CYLC2: variants seen among roughly 807,000 people sequenced by gnomAD.
CYLC2 encodes cylicin 2, also known as cylicin-2.
In CYLC2, 30 loss-of-function variants were observed where a neutral mutation model predicts 26.1. The observed-to-expected ratio is 1.15, with a 90% confidence interval of 0.86 to 1.56. CYLC2 has a LOEUF of 1.56. Among genes scored for constraint, CYLC2 ranks in the 40% most tolerant of loss-of-function variants. The pLI is 0.00. For missense variants in CYLC2, 498 were observed against 394.4 expected, an observed-to-expected ratio of 1.26 and a Z score of -2.23; for synonymous variants, 158 against 132.8, an observed-to-expected ratio of 1.19 and a Z score of -1.31.
intron 6 of CYLC2, among the ~76,000 whole-genome samples, chr9:103,013,074 T>A (rs1829425376): frequency 6.9e-6 from 1 of 144,224 alleles, no homozygotes; most frequent in Non-Finnish European, 1.5e-5. Context: ...TGTATATGTA[T>A]AAATATGTAT....
chr9:103,005,205 G>T lies in CYLC2; in HGVS notation c.574G>T (p.Asp192Tyr). The change falls in exon 5 of 8, where the codon GAT (aspartate) becomes TAT (tyrosine). Residue 192 changes from aspartate (D) to tyrosine (Y), a missense_variant. By Grantham distance (160) the Asp-to-Tyr change is radical. Coordinates refer to ENST00000374798, the MANE Select transcript of CYLC2 (RefSeq NM_001340.5). The stretch of plus-strand genomic sequence containing the variant: ...AGGTGCAAAGAAAGATAACAAAAAA[G>T]ATAAAAAGGATTCAAACAAAGGCAA... ...KGGAKKDNKK[D>Y]KKDSNKGKDS... 1 of 1,608,796 alleles carries T rather than the reference G, an allele frequency of 6.2e-7. No individual in the cohort carries two copies. Among genetic ancestry groups the T allele is most frequent in the South Asian group, 1.1e-5 (1 of 90,442 alleles).
chr9:103,016,139 CAT>C (rs1450430810), intron 6 of CYLC2, among the ~76,000 whole-genome samples: 2 of 151,582 alleles, frequency 1.3e-5, no homozygotes, highest in African/African-American at 4.8e-5. Flanking sequence ...TAAGTATAGA[CAT>C]AGAATTTTTC....
Position 103,003,126 on chromosome 9 carries a change from G to GT in CYLC2, c.59-15dup. Reference sequence around the variant, plus strand: ...CTATTCACTCCAAAATGTGTTTTTTGTCTCCCTTATTTTAGTCAGTGAATT... The same window carrying GT: ...CTATTCACTCCAAAATGTGTTTTTTGTTCTCCCTTATTTTAGTCAGTGAATT... On this transcript the variant is annotated splice_polypyrimidine_tract_variant and intron_variant, in intron 2 of 7. Coordinates refer to ENST00000374798, the MANE Select transcript of CYLC2 (RefSeq NM_001340.5). 6.2e-7 allele frequency: 1 copy of GT among 1,609,952 alleles called. No individual in the cohort carries two copies. Among genetic ancestry groups the GT allele is most frequent in the Non-Finnish European group, 8.5e-7 (1 of 1,178,572 alleles).
At chr9:102,995,705 C>A (rs1829230161) in intron 1 of CYLC2, among the ~76,000 whole-genome samples, 1 of 151,662 alleles carries the variant, frequency 6.6e-6, no homozygotes, top group African/African-American at 2.4e-5. Flanking sequence ...TAAAATAATT[C>A]ATGATTTTCA....
intron 5 of CYLC2, chr9:103,010,723 G>A (rs1273510579): frequency 6.6e-6 from 1 of 151,956 alleles, no homozygotes; most frequent in East Asian, 1.9e-4. Context: ...ATTTAAGAAG[G>A]CAGTTGTTCT....
intron 6 of CYLC2, among the ~76,000 whole-genome samples, chr9:103,014,935 G>T (rs890185503): frequency 5.6e-5 from 7 of 126,054 alleles, no homozygotes; most frequent in African/African-American, 1.8e-4. Flanking sequence ...ATATTATGTA[G>T]TATACATAAT....
chr9:103,004,398 G>T (rs1018040248), intron 3 of CYLC2, among the ~76,000 whole-genome samples: 2 of 151,970 alleles, frequency 1.3e-5, no homozygotes, highest in African/African-American at 2.4e-5. Flanking sequence ...AGTTTAAAAA[G>T]CCTCCTATGA....
At chr9:103,007,375 T>C (rs890281102) in intron 5 of CYLC2, among the ~76,000 whole-genome samples, 12 of 152,094 alleles carry the variant, frequency 7.9e-5, no homozygotes, top group Admixed American at 3.3e-4. Context: ...AACTCAAAAT[T>C]GTTTATTACC....
chr9:102,996,513 A>G (rs1056511667), intron 1 of CYLC2, among the ~76,000 whole-genome samples: 2 of 151,936 alleles, frequency 1.3e-5, no homozygotes, highest in Admixed American at 6.6e-5. Flanking sequence ...AAACTGATAG[A>G]AATCATAATC....
Position 103,006,129 on chromosome 9 carries a change from A to C in CYLC2, c.*451A>C, listed in dbSNP as rs1285259247. 1 of 153,176 alleles carries C rather than the reference A, an allele frequency of 6.5e-6. No homozygotes were observed. Among genetic ancestry groups the C allele is most frequent in the African/African-American group, 2.4e-5 (1 of 41,262 alleles). The allele number at this position is 153,176 out of a possible 1,614,324, so 9.5% of individuals were successfully genotyped here. A position where few individuals can be genotyped will look rare whatever the true frequency, so the allele number is the denominator to read the frequency against. On this transcript the variant is annotated 3_prime_UTR_variant, in exon 5 of 8. Coordinates refer to ENST00000374798, the MANE Select transcript of CYLC2 (RefSeq NM_001340.5). ...CAGATGTTGTATCTATAGATTTAAA[A>C]TAATCTCAAGCTGCATCCACAGATA...
intron 5 of CYLC2, among the ~76,000 whole-genome samples, chr9:103,010,137 C>T (rs1829392466): frequency 6.6e-6 from 1 of 151,782 alleles, no homozygotes; most frequent in African/African-American, 2.4e-5. Flanking sequence ...TCAATACAAT[C>T]AATTTTAAAC....
Position 103,013,331 on chromosome 9 carries a change from T to TA in CYLC2, c.*816+1234_*816+1235insA, listed in dbSNP as rs1564100456. Among the ~76,000 whole-genome samples the TA allele has an allele frequency of 1.1e-3, 61 of 54,746 alleles. 4 individuals are homozygous for TA. The highest frequency in any genetic ancestry group is 2.8e-3 in the South Asian group (4 of 1,408). 35.9% of individuals were successfully genotyped at this position (54,746 alleles called of 152,430 possible). On this transcript the variant is annotated intron_variant, in intron 6 of 7. Transcript: ENST00000374798. ...ATATGTTTATATAACCTATATATATTTAATATATTATATAAATATATATTA... is the reference window on the plus strand; with the variant it reads ...ATATGTTTATATAACCTATATATATTATAATATATTATATAAATATATATTA...
chr9:103,003,543 A>G (rs1564097224), intron 3 of CYLC2, among the ~76,000 whole-genome samples: 1 of 152,212 alleles, frequency 6.6e-6, no homozygotes, highest in East Asian at 1.9e-4. Flanking sequence ...GAATTAAAGT[A>G]AATTCACATG....
rs764604266 is a variant in CYLC2, at chr9:103,005,338, C to G, written c.707C>G (p.Ala236Gly). The change falls in exon 5 of 8, where the codon GCT (alanine) becomes GGT (glycine). Residue 236 changes from alanine to glycine, a missense_variant. By Grantham distance (60) the Ala-to-Gly change is moderately conservative. Coordinates refer to ENST00000374798, the MANE Select transcript of CYLC2 (RefSeq NM_001340.5). ...KGKDSAIELQ[A>G]VKADEKKDED... ...AAGGATTCAGCCATAGAATTACAAG[C>G]TGTAAAAGCAGATGAAAAGAAGGAT... is the stretch of plus-strand genomic sequence containing the variant. 1 of 1,613,424 alleles carries G rather than the reference C, an allele frequency of 6.2e-7. No homozygotes were observed. Among genetic ancestry groups the G allele is most frequent in the African/African-American group, 1.3e-5 (1 of 74,812 alleles).
intron 3 of CYLC2, among the ~76,000 whole-genome samples, chr9:103,004,024 AATTT>A (rs1269754500): frequency 6.6e-6 from 1 of 152,042 alleles, no homozygotes; most frequent in Non-Finnish European, 1.5e-5. Flanking sequence ...TTTCTTGCTG[AATTT>A]ATTTTTCCAT....
intron 2 of CYLC2, among the ~76,000 whole-genome samples, chr9:103,002,586 T>C (rs1829299882): frequency 6.6e-6 from 1 of 151,942 alleles, no homozygotes; most frequent in Non-Finnish European, 1.5e-5. Flanking sequence ...TCTCCTGACC[T>C]CGTGATCAGC....
intron 5 of CYLC2, among the ~76,000 whole-genome samples, chr9:103,010,513 A>C (rs1355696094): frequency 6.6e-6 from 1 of 152,086 alleles, no homozygotes; most frequent in Non-Finnish European, 1.5e-5. Context: ...CAAAACCAGA[A>C]TTTGAATCTG....
chr9:103,003,365 G>T (rs1217334723), intron 3 of CYLC2, 102 bp downstream of exon 3: 2 of 1,053,432 alleles, frequency 1.9e-6, no homozygotes, highest in Admixed American at 2.7e-5. Context: ...TAATCACTAA[G>T]TAGTAAGCTT....
Position 103,004,849 on chromosome 9 carries a change from C to T in CYLC2, c.335C>T (p.Ala112Val). 1 of 1,607,362 alleles carries T rather than the reference C, an allele frequency of 6.2e-7. No homozygotes were observed. Among genetic ancestry groups the T allele is most frequent in the Non-Finnish European group, 8.5e-7 (1 of 1,178,302 alleles). Residue 112 changes from alanine (A) to valine (V), a missense_variant and splice_region_variant, in exon 4 of 8, where the codon GCA (alanine) becomes GTA (valine). Physicochemically the swap from Ala to Val is moderately conservative, Grantham distance 64. Transcript: ENST00000374798. ...ACTGTCGAGGTGGATTCTAAAGCAG[C>T]AGGTAGAGATAACTTACTGTTTTTA... is the stretch of plus-strand genomic sequence containing the variant. ...TRTVEVDSKA[A>V]EIGKKGEDKT...
Sources: allele counts gnomAD v4.1 joint callset (sites outside exome capture counted in the v4.1 genomes callset), GRCh38; gene constraint gnomAD v4.1.1; transcripts MANE v1.5; gene names NCBI Gene and HGNC (gene_info 2026-07-23, HGNC 2026-07-21).